CCNJL: variants seen among roughly 807,000 people sequenced by gnomAD.
The protein encoded by CCNJL is cyclin-J-like protein.
In CCNJL, 33 loss-of-function variants were observed where a neutral mutation model predicts 33.4. The observed-to-expected ratio is 0.99, with a 90% CI of 0.75 to 1.32. The LOEUF (loss-of-function observed/expected upper bound fraction) is 1.32, where lower values mean the gene tolerates loss of function less well. CCNJL is among the 40% of genes most tolerant of loss of function. The probability of loss-of-function intolerance (pLI) is 0.00; values close to 1 mark genes in which losing one functional copy is unlikely to be tolerated. For synonymous variants in CCNJL, 227 were observed against 220.9 expected (o/e 1.03, Z -0.24); for missense variants, 512 against 499.7 (o/e 1.02, Z -0.23).
At chr5:160,315,454 C>T, upstream of CCNJL, 3 of 448,480 alleles carry the variant, frequency 6.7e-6, no homozygotes, top group South Asian at 4.7e-5. Context: ...CAGCAGTGAG[C>T]CGTGATTGTG....
At chr5:160,278,976 GGCCAAAGGTA>G (rs1273096989) in intron 3 of CCNJL, among the ~76,000 whole-genome samples, 1 of 152,208 alleles carries the variant, frequency 6.6e-6, no homozygotes, top group Non-Finnish European at 1.5e-5. Flanking sequence ...GAATCCAGTT[GGCCAAAGGTA>G]GAGAAAAATC....
intron 2 of CCNJL, among the ~76,000 whole-genome samples, chr5:160,310,318 G>A (rs1057327767): frequency 1.3e-5 from 2 of 152,136 alleles, no homozygotes; most frequent in East Asian, 1.9e-4. Context: ...TGTGCCACAC[G>A]TTGGCCACTC....
At chr5:160,338,848 G>A (rs1459082047) in intron 1 of CCNJL, among the ~76,000 whole-genome samples, 5 of 152,034 alleles carry the variant, frequency 3.3e-5, no homozygotes, top group Non-Finnish European at 7.4e-5. Flanking sequence ...CTGGAGTGCA[G>A]TGGCGCGATC....
intron 3 of CCNJL, among the ~76,000 whole-genome samples, chr5:160,279,592 T>G (rs929596949): frequency 6.6e-6 from 1 of 152,188 alleles, no homozygotes; most frequent in African/African-American, 2.4e-5. Context: ...CCTCACCTGC[T>G]GAGGGCAGTG....
intron 3 of CCNJL, among the ~76,000 whole-genome samples, chr5:160,274,160 T>A (rs1279803799): frequency 6.6e-6 from 1 of 152,016 alleles, no homozygotes; most frequent in African/African-American, 2.4e-5. Flanking sequence ...ATTGTAATTT[T>A]AAAAATCTAT....
At chr5:160,303,804 G>C (rs1416731386) in intron 2 of CCNJL, among the ~76,000 whole-genome samples, 1 of 151,866 alleles carries the variant, frequency 6.6e-6, no homozygotes. Flanking sequence ...CTTTCTGCCA[G>C]GTGCTCAGAT....
intron 3 of CCNJL, among the ~76,000 whole-genome samples, chr5:160,266,059 G>A (rs573303268): frequency 6.6e-6 from 1 of 152,324 alleles, no homozygotes; most frequent in Admixed American, 6.5e-5. Context: ...CCCTGCAGGT[G>A]CTGATGATAA....
At chr5:160,331,098 C>T (rs923809321) in intron 1 of CCNJL, among the ~76,000 whole-genome samples, 1 of 152,208 alleles carries the variant, frequency 6.6e-6, no homozygotes, top group African/African-American at 2.4e-5. Flanking sequence ...TCCATGGTCT[C>T]AGCGTCCAAT....
At chr5:160,267,999 G>A (rs1328486661) in intron 3 of CCNJL, among the ~76,000 whole-genome samples, 2 of 152,178 alleles carry the variant, frequency 1.3e-5, no homozygotes, top group African/African-American at 2.4e-5. Flanking sequence ...TAAGTCAAAG[G>A]AGTGGCTCTC....
At chr5:160,313,179 T>C (rs1763331748), upstream of CCNJL, among the ~76,000 whole-genome samples, 2 of 152,192 alleles carry the variant, frequency 1.3e-5, 1 homozygote, top group African/African-American at 4.8e-5. Flanking sequence ...GTCCGGTGGA[T>C]GGAAAACATT....
Position 160,255,559 on chromosome 5 carries a change from T to C in CCNJL, c.733A>G (p.Ile245Val). The stretch of plus-strand genomic sequence containing the variant: ...AGGGGAGAAACTTACACCAGCAGGA[T>C]TTCAATACACGTGCTGAGGTGCTCC... The part of the protein sequence containing the change: ...SLEHLSTCIE[I>V]LLVVYDNVLK... Residue 245 changes from isoleucine (I) to valine (V), a missense_variant, in exon 5 of 6, where the codon ATC (isoleucine) becomes GTC (valine). Coordinates refer to ENST00000257536, the MANE Select transcript of CCNJL (RefSeq NM_001308173.3). The C allele has an allele frequency of 6.2e-7, 1 of 1,613,998 alleles. No individual in the cohort carries two copies. Among genetic ancestry groups the C allele is most frequent in the Non-Finnish European group, 8.5e-7 (1 of 1,179,932 alleles).
chr5:160,275,616 C>T lies in CCNJL; in HGVS notation c.280+4909G>A, dbSNP rs1266524949. ...CCTCCCACCTCAGCCTCCCAAGTAGCGGGGACTACAAGCACGTGCCACCAC... is the reference window on the plus strand; with the variant it reads ...CCTCCCACCTCAGCCTCCCAAGTAGTGGGGACTACAAGCACGTGCCACCAC... On this transcript the variant is annotated intron_variant, in intron 3 of 5. Transcript: ENST00000257536. Among the ~76,000 whole-genome samples, 3 of 151,836 alleles carry T rather than the reference C, an allele frequency of 2.0e-5. No homozygotes were observed. The East Asian group carries it at 5.8e-4, about 29-fold the overall frequency.
chr5:160,315,960 T>C (rs1481089923), upstream of CCNJL, among the ~76,000 whole-genome samples: 1 of 152,190 alleles, frequency 6.6e-6, no homozygotes, highest in Non-Finnish European at 1.5e-5. Context: ...ACTTCAGCTA[T>C]CAATTATCAG....
intron 2 of CCNJL, among the ~76,000 whole-genome samples, chr5:160,292,251 A>G (rs368020200): frequency 1.3e-5 from 2 of 152,192 alleles, no homozygotes; most frequent in East Asian, 3.8e-4. Flanking sequence ...GGAATTGCTC[A>G]TTATGATGAA....
chr5:160,282,974 T>TATATATATAC (rs1762269026), intron 2 of CCNJL, among the ~76,000 whole-genome samples: 5 of 45,954 alleles, frequency 1.1e-4, no homozygotes, highest in African/African-American at 3.2e-4. Context: ...GGAATATATA[T>TATATATATAC]ATATATATAT....
At chr5:160,326,982 A>G in intron 1 of CCNJL, 1 of 564,848 alleles carries the variant, frequency 1.8e-6, no homozygotes, top group Non-Finnish European at 3.4e-6. Flanking sequence ...AGAAATGAAC[A>G]ATGAAGTGAG....
chr5:160,322,066 G>GT (rs1186304188), intron 1 of CCNJL, among the ~76,000 whole-genome samples: 2 of 152,146 alleles, frequency 1.3e-5, no homozygotes, highest in Non-Finnish European at 2.9e-5. Context: ...GGTGAAGGGA[G>GT]TGAGGAGGGG....
At chr5:160,302,587 G>A (rs368665298) in intron 2 of CCNJL, among the ~76,000 whole-genome samples, 25 of 152,190 alleles carry the variant, frequency 1.6e-4, no homozygotes, top group South Asian at 6.2e-4. Flanking sequence ...TGAGATGGGC[G>A]GATCACTTGA....
intron 2 of CCNJL, among the ~76,000 whole-genome samples, chr5:160,300,057 C>T (rs1011666933): frequency 3.9e-5 from 6 of 152,100 alleles, no homozygotes; most frequent in African/African-American, 1.2e-4. Context: ...CTCCTTCCTC[C>T]TCGTGTCCCC....
Sources: allele counts gnomAD v4.1 joint callset (sites outside exome capture counted in the v4.1 genomes callset), GRCh38; gene constraint gnomAD v4.1.1; transcripts MANE v1.5; gene names NCBI Gene and HGNC (gene_info 2026-07-23, HGNC 2026-07-21).